ENOX1: variants seen among roughly 807,000 people sequenced by gnomAD.
ENOX1 encodes the protein candidate growth-related and time keeping constitutive hydroquinone (NADH) oxidase.
A neutral mutation model predicts 82.5 loss-of-function variants in ENOX1; 42 were observed. The observed-to-expected ratio is 0.51, with a 90% CI of 0.40 to 0.66. ENOX1 has a LOEUF of 0.66. Ranked by LOEUF, ENOX1 falls within the 30% of genes least tolerant of loss-of-function variation. The pLI is 0.00. For missense variants in ENOX1, 608 were observed against 811.6 expected (o/e 0.75, Z 3.05); for synonymous variants, 271 against 282.2 (o/e 0.96, Z 0.40).
chr13:43,224,977 G>C (rs2041958747), intron 15 of ENOX1, among the ~76,000 whole-genome samples: 1 of 152,200 alleles, frequency 6.6e-6, no homozygotes, highest in African/African-American at 2.4e-5. Flanking sequence ...TTGTTAAGAA[G>C]TTGTGCACTT....
Position 43,668,103 on chromosome 13 carries a change from T to C in ENOX1, c.-284-559A>G, listed in dbSNP as rs573820887. On this transcript the variant is annotated intron_variant, in intron 1 of 16. Coordinates refer to ENST00000690772, the MANE Select transcript of ENOX1 (RefSeq NM_001347969.2). ...AGTGCACCTAGATATTTTCATAGGA[T>C]AAATCCCAACTTTATTTTCTAGAAA... 2.0e-5 allele frequency among the ~76,000 whole-genome samples: 3 copies of C among 152,332 alleles called. No homozygotes were observed. The East Asian group carries it at 5.8e-4, about 29-fold the overall frequency.
chr13:43,602,631 C>A (rs1211272612), intron 2 of ENOX1, among the ~76,000 whole-genome samples: 1 of 151,892 alleles, frequency 6.6e-6, no homozygotes, highest in East Asian at 1.9e-4. Context: ...CACAATTTGA[C>A]AATAAATATA....
intron 1 of ENOX1, among the ~76,000 whole-genome samples, chr13:43,751,947 A>C (rs904398371): frequency 6.6e-6 from 1 of 152,184 alleles, no homozygotes; most frequent in African/African-American, 2.4e-5. Context: ...ATTTTTTAAG[A>C]AACTGCCAAA....
At position 43,686,952 on chromosome 13, in the gene ENOX1, C is replaced by G. The variant is rs761739958; in HGVS notation, c.-284-19408G>C. 6.6e-5 allele frequency among the ~76,000 whole-genome samples: 10 copies of G among 152,100 alleles called. No individual in the cohort carries two copies. The East Asian group carries it at 1.9e-3, about 29-fold the overall frequency. On this transcript the variant is annotated intron_variant, in intron 1 of 16. Coordinates refer to ENST00000690772, the MANE Select transcript of ENOX1 (RefSeq NM_001347969.2). ...AAAAACTACTCATGCAAAACCAAAG[C>G]ACAAGAGAAGTGAACTTTACTCACT... is the stretch of plus-strand genomic sequence containing the variant.
chr13:43,595,608 G>A (rs1576323), intron 2 of ENOX1, among the ~76,000 whole-genome samples: 1 of 152,042 alleles, frequency 6.6e-6, no homozygotes, highest in African/African-American at 2.4e-5. Context: ...GGGTCATAGG[G>A]TCAATGGTAA....
chr13:43,735,882 C>T (rs1566852367), intron 1 of ENOX1, among the ~76,000 whole-genome samples: 1 of 152,178 alleles, frequency 6.6e-6, no homozygotes, highest in Non-Finnish European at 1.5e-5. Flanking sequence ...TCTATCCTTC[C>T]ATTTAGGGGT....
chr13:43,370,198 T>C (rs1223425931), intron 5 of ENOX1, among the ~76,000 whole-genome samples: 1 of 152,084 alleles, frequency 6.6e-6, no homozygotes, highest in Admixed American at 6.5e-5. Context: ...AAACCCCATC[T>C]CTGCTAAAAG....
At chr13:43,247,276 G>A (rs1008427128) in intron 14 of ENOX1, among the ~76,000 whole-genome samples, 2 of 152,132 alleles carry the variant, frequency 1.3e-5, no homozygotes, top group African/African-American at 4.8e-5. Flanking sequence ...TCACACCACT[G>A]CACTCCAACC....
At chr13:43,702,789 A>G (rs1233291988) in intron 1 of ENOX1, among the ~76,000 whole-genome samples, 2 of 151,826 alleles carry the variant, frequency 1.3e-5, no homozygotes, top group Non-Finnish European at 2.9e-5. Context: ...CATCTCTACT[A>G]AAAATACAAA....
At chr13:43,764,415 A>G (rs968652947) in intron 1 of ENOX1, among the ~76,000 whole-genome samples, 8 of 152,340 alleles carry the variant, frequency 5.3e-5, no homozygotes, top group African/African-American at 1.4e-4. Flanking sequence ...CAGCACAACC[A>G]GGAGCCAGGA....
At chr13:43,301,703 C>T (rs531409323) in intron 11 of ENOX1, among the ~76,000 whole-genome samples, 3 of 151,898 alleles carry the variant, frequency 2.0e-5, no homozygotes, top group South Asian at 2.1e-4. Flanking sequence ...AAAAAATTTT[C>T]GTTACTCATG....
intron 1 of ENOX1, among the ~76,000 whole-genome samples, chr13:43,784,265 C>T (rs1952444157): frequency 6.6e-6 from 1 of 152,000 alleles, no homozygotes; most frequent in Non-Finnish European, 1.5e-5. Flanking sequence ...ACATACAAAC[C>T]CATCTAAATT....
At chr13:43,749,232 G>A (rs1039242605) in intron 1 of ENOX1, among the ~76,000 whole-genome samples, 6 of 152,082 alleles carry the variant, frequency 3.9e-5, no homozygotes, top group African/African-American at 1.4e-4. Context: ...CATACTATTT[G>A]CATGAATGTA....
intron 1 of ENOX1, among the ~76,000 whole-genome samples, chr13:43,730,706 T>A (rs139630185): frequency 6.6e-6 from 1 of 152,160 alleles, no homozygotes; most frequent in Non-Finnish European, 1.5e-5. Flanking sequence ...TCCCATCTAG[T>A]GTCTGCCCAC....
chr13:43,271,866 T>C (rs2044704635), intron 12 of ENOX1, among the ~76,000 whole-genome samples: 1 of 152,202 alleles, frequency 6.6e-6, no homozygotes, highest in Non-Finnish European at 1.5e-5. Flanking sequence ...TCAATGTGTT[T>C]TTCCAAAACA....
chr13:43,543,457 G>A (rs1052716819), intron 2 of ENOX1, among the ~76,000 whole-genome samples: 1 of 151,898 alleles, frequency 6.6e-6, no homozygotes, highest in Non-Finnish European at 1.5e-5. Flanking sequence ...AAATTTTTGT[G>A]TGTTGATTTA....
chr13:43,503,405 C>T (rs559995895), intron 2 of ENOX1, among the ~76,000 whole-genome samples: 3 of 151,576 alleles, frequency 2.0e-5, no homozygotes, highest in Non-Finnish European at 4.4e-5. Flanking sequence ...GTATATGAAA[C>T]CATAAAAGAC....
intron 2 of ENOX1, among the ~76,000 whole-genome samples, chr13:43,663,783 A>G (rs1243122732): frequency 6.6e-6 from 1 of 152,198 alleles, no homozygotes; most frequent in Non-Finnish European, 1.5e-5. Flanking sequence ...TAAAAAAAGG[A>G]AAGTAAAAAT....
intron 2 of ENOX1, among the ~76,000 whole-genome samples, chr13:43,594,576 A>T (rs1219909054): frequency 2.6e-5 from 4 of 152,196 alleles, no homozygotes; most frequent in African/African-American, 9.6e-5. Flanking sequence ...TGGTTAGGAT[A>T]TATCAGGCGC....
Sources: allele counts gnomAD v4.1 joint callset (sites outside exome capture counted in the v4.1 genomes callset), GRCh38; gene constraint gnomAD v4.1.1; transcripts MANE v1.5; gene names NCBI Gene and HGNC (gene_info 2026-07-23, HGNC 2026-07-21).